COL25A1: variants seen among roughly 807,000 people sequenced by gnomAD.
The protein encoded by COL25A1 is collagen type XXV alpha 1 chain.
A neutral mutation model predicts 128.4 loss-of-function variants in COL25A1; 103 were observed. The observed-to-expected ratio is 0.80, with a 90% confidence interval of 0.68 to 0.94. The LOEUF is 0.94. COL25A1 is among the 40% of genes least tolerant of loss of function. COL25A1 has a pLI of 0.00. For missense variants in COL25A1, 745 were observed against 840.0 expected (o/e 0.89, Z 1.40); for synonymous variants, 279 against 277.2 (o/e 1.01, Z -0.06).
chr4:109,122,881 A>G (rs1429000725), intron 3 of COL25A1, among the ~76,000 whole-genome samples: 1 of 152,132 alleles, frequency 6.6e-6, no homozygotes, highest in Admixed American at 6.6e-5. Context: ...GTCCTCAGAA[A>G]TAAGCCAATG....
intron 37 of COL25A1, among the ~76,000 whole-genome samples, chr4:108,815,533 G>A (rs1731167033): frequency 1.3e-5 from 2 of 152,130 alleles, no homozygotes; most frequent in African/African-American, 4.8e-5. Context: ...TTGGGTGGGT[G>A]TGGTAAACAA....
intron 3 of COL25A1, among the ~76,000 whole-genome samples, chr4:109,175,138 G>A (rs1027710491): frequency 2.0e-5 from 3 of 152,258 alleles, no homozygotes; most frequent in African/African-American, 7.2e-5. Flanking sequence ...AAAGGTTGGG[G>A]ACCTCTGTTA....
intron 8 of COL25A1, among the ~76,000 whole-genome samples, chr4:108,950,638 C>T (rs1489741427): frequency 6.6e-6 from 1 of 152,174 alleles, no homozygotes; most frequent in African/African-American, 2.4e-5. Context: ...TCCCTTGAGA[C>T]GTAGACTCTG....
chr4:108,946,477 C>A (rs1051456020), intron 8 of COL25A1, among the ~76,000 whole-genome samples: 3 of 152,188 alleles, frequency 2.0e-5, no homozygotes, highest in South Asian at 2.1e-4. Flanking sequence ...TTTTCTTCTA[C>A]CTGCTTTACA....
intron 3 of COL25A1, among the ~76,000 whole-genome samples, chr4:109,053,948 T>C (rs894087438): frequency 5.3e-5 from 8 of 152,140 alleles, no homozygotes; most frequent in African/African-American, 1.9e-4. Flanking sequence ...AGGTGCGTTG[T>C]CATAAATACC....
At chr4:109,194,354 A>T (rs958671335) in intron 3 of COL25A1, among the ~76,000 whole-genome samples, 2 of 152,236 alleles carry the variant, frequency 1.3e-5, no homozygotes, top group African/African-American at 4.8e-5. Context: ...GTATATCATA[A>T]GTGCCCAGAA....
chr4:109,015,111 G>A (rs1173815561), intron 5 of COL25A1, among the ~76,000 whole-genome samples: 1 of 152,224 alleles, frequency 6.6e-6, no homozygotes, highest in Admixed American at 6.5e-5. Flanking sequence ...GGAATAGAGG[G>A]AGAGCAGGAG....
chr4:109,249,542 A>T (rs1238385367), intron 3 of COL25A1, among the ~76,000 whole-genome samples: 1 of 152,186 alleles, frequency 6.6e-6, no homozygotes, highest in East Asian at 1.9e-4. Context: ...TGTCAGTATA[A>T]TACAGTAAAT....
intron 5 of COL25A1, among the ~76,000 whole-genome samples, chr4:109,029,635 G>C (rs1001231227): frequency 3.3e-5 from 5 of 152,174 alleles, no homozygotes; most frequent in African/African-American, 1.2e-4. Flanking sequence ...TTTGTAGGAA[G>C]AAACATATAC....
At chr4:109,191,857 A>G (rs987333647) in intron 3 of COL25A1, among the ~76,000 whole-genome samples, 1 of 152,230 alleles carries the variant, frequency 6.6e-6, no homozygotes, top group African/African-American at 2.4e-5. Flanking sequence ...TTCAATCTCT[A>G]TGCTAGAGGA....
At chr4:109,300,068 C>G (rs906232117) in intron 3 of COL25A1, among the ~76,000 whole-genome samples, 1 of 151,714 alleles carries the variant, frequency 6.6e-6, no homozygotes, top group Non-Finnish European at 1.5e-5. Flanking sequence ...TTTCAGTCAT[C>G]ATCTCTAGCT....
chr4:108,863,879 T>G (rs1325793092), intron 20 of COL25A1, among the ~76,000 whole-genome samples: 1 of 152,176 alleles, frequency 6.6e-6, no homozygotes, highest in African/African-American at 2.4e-5. Context: ...CAGGCTCTTA[T>G]GCCTTCAGCC....
At chr4:109,113,897 G>A (rs1767275725) in intron 3 of COL25A1, among the ~76,000 whole-genome samples, 1 of 151,984 alleles carries the variant, frequency 6.6e-6, no homozygotes. Context: ...GCATCCCTAA[G>A]TGTCCAGTTC....
chr4:109,243,554 G>C (rs1027812016), intron 3 of COL25A1, among the ~76,000 whole-genome samples: 1 of 151,844 alleles, frequency 6.6e-6, no homozygotes, highest in Non-Finnish European at 1.5e-5. Flanking sequence ...AAAGAAACTA[G>C]GATTATTCCA....
At chr4:109,230,288 G>A (rs1779079521) in intron 3 of COL25A1, among the ~76,000 whole-genome samples, 1 of 152,136 alleles carries the variant, frequency 6.6e-6, no homozygotes, top group South Asian at 2.1e-4. Context: ...CACCATCATG[G>A]TCAATAAAGT....
At chr4:108,919,866 G>A (rs532194049) in intron 12 of COL25A1, among the ~76,000 whole-genome samples, 2 of 152,200 alleles carry the variant, frequency 1.3e-5, no homozygotes, top group Admixed American at 6.5e-5. Flanking sequence ...AGGTTCAAGC[G>A]ATTCTCCTGT....
intron 16 of COL25A1, among the ~76,000 whole-genome samples, chr4:108,890,291 C>T (rs530463846): frequency 2.0e-5 from 3 of 152,168 alleles, no homozygotes; most frequent in Non-Finnish European, 4.4e-5. Context: ...GTCACAGATA[C>T]AATGGGCACG....
intron 9 of COL25A1, 67 bp downstream of exon 9, chr4:108,941,299 G>C (rs1748058284): frequency 7.7e-7 from 1 of 1,292,332 alleles, no homozygotes; most frequent in East Asian, 2.3e-5. Context: ...AAATCGTAAA[G>C]CAATAGGTAC....
intron 5 of COL25A1, among the ~76,000 whole-genome samples, chr4:109,018,927 T>C (rs954077039): frequency 2.6e-5 from 4 of 152,224 alleles, no homozygotes; most frequent in African/African-American, 9.6e-5. Context: ...GAAGTCTTAC[T>C]GTATTAGTTC....
Sources: gnomAD v4.1 joint callset for allele counts (sites outside exome capture counted in the v4.1 genomes callset) on GRCh38, gnomAD v4.1.1 for gene constraint, MANE v1.5 for transcripts, NCBI Gene and HGNC (gene_info 2026-07-23, HGNC 2026-07-21) for gene names.